DLG2: variants seen among roughly 807,000 people sequenced by gnomAD.
The protein encoded by DLG2 is discs large MAGUK scaffold protein 2.
In DLG2, 45 loss-of-function variants were observed where a neutral mutation model predicts 132.5. The ratio of observed to expected loss-of-function variants is 0.34; its 90% confidence interval spans 0.27 to 0.44. DLG2 has a LOEUF of 0.44. Ranked by LOEUF, DLG2 falls within the 20% of genes least tolerant of loss-of-function variation. The pLI, the probability that DLG2 is intolerant of heterozygous loss-of-function variation, is 1.00. For missense variants in DLG2, 1,045 were observed against 1,196.9 expected (o/e 0.87, Z 1.87); for synonymous variants, 424 against 419.6 (o/e 1.01, Z -0.13).
chr11:84,083,454 A>C (rs2154158310), intron 10 of DLG2, among the ~76,000 whole-genome samples: 1 of 152,324 alleles, frequency 6.6e-6, no homozygotes, highest in African/African-American at 2.4e-5. Context: ...TATTGTTTGA[A>C]TGTGTCCCCC....
At chr11:83,953,039 A>G (rs2085870762) in intron 14 of DLG2, among the ~76,000 whole-genome samples, 1 of 152,226 alleles carries the variant, frequency 6.6e-6, no homozygotes, top group African/African-American at 2.4e-5. Context: ...GTGTTTTTAC[A>G]CAGTTATAGT....
At chr11:83,892,003 G>C (rs376623237) in intron 15 of DLG2, among the ~76,000 whole-genome samples, 4 of 152,072 alleles carry the variant, frequency 2.6e-5, no homozygotes, top group East Asian at 3.9e-4. Context: ...GGTCACTGTA[G>C]AGTTATCACC....
At chr11:85,257,562 C>T (rs1275380626) in intron 4 of DLG2, among the ~76,000 whole-genome samples, 1 of 151,930 alleles carries the variant, frequency 6.6e-6, no homozygotes, top group Non-Finnish European at 1.5e-5. Flanking sequence ...TTTTTAATAA[C>T]AATGCAGTAA....
At chr11:84,197,805 C>G (rs1207914758) in intron 8 of DLG2, among the ~76,000 whole-genome samples, 3 of 152,096 alleles carry the variant, frequency 2.0e-5, no homozygotes. Flanking sequence ...TACTGTGAGC[C>G]AAATAATTCT....
Position 84,928,958 on chromosome 11 carries a change from A to ATGTGTGTG in DLG2, c.357+182695_357+182702dup, listed in dbSNP as rs1186822886. Among the ~76,000 whole-genome samples, 264 of 52,808 alleles carry ATGTGTGTG rather than the reference A, an allele frequency of 5.0e-3. 6 individuals are homozygous for ATGTGTGTG. Among genetic ancestry groups the ATGTGTGTG allele is most frequent in the African/African-American group, 9.0e-3 (106 of 11,752 alleles). 34.6% of individuals were successfully genotyped at this position (52,808 alleles called of 152,430 possible). A position where few individuals can be genotyped will look rare whatever the true frequency, so the allele number is the denominator to read the frequency against. Reference sequence around the variant, plus strand: ...TGCAATACTTATAATACTCTCTGATATGTGTGTGTGTGTGTGTGTGTGTGT... The same window carrying ATGTGTGTG: ...TGCAATACTTATAATACTCTCTGATATGTGTGTGTGTGTGTGTGTGTGTGTGTGTGTGT... On this transcript the variant is annotated intron_variant, in intron 6 of 27. Coordinates refer to ENST00000376104, the MANE Select transcript of DLG2 (RefSeq NM_001142699.3).
intron 10 of DLG2, among the ~76,000 whole-genome samples, chr11:84,079,242 T>A (rs950524057): frequency 2.6e-5 from 4 of 151,994 alleles, no homozygotes; most frequent in African/African-American, 9.7e-5. Flanking sequence ...AATCTTTCAT[T>A]AGCTGAATTA....
intron 5 of DLG2, among the ~76,000 whole-genome samples, chr11:85,126,830 T>A (rs1431600599): frequency 6.6e-6 from 1 of 152,238 alleles, no homozygotes; most frequent in Non-Finnish European, 1.5e-5. Context: ...TTATAGTTCT[T>A]ATCTCACCGA....
intron 22 of DLG2, chr11:83,483,216 A>AAAAG (rs1266276314): frequency 1.3e-6 from 2 of 1,587,852 alleles, no homozygotes; most frequent in Admixed American, 3.3e-5. Context: ...AAAGGAAAAG[A>AAAAG]AAAGAAAAGT....
intron 7 of DLG2, among the ~76,000 whole-genome samples, chr11:84,501,854 C>T (rs2099206783): frequency 6.6e-6 from 1 of 151,820 alleles, no homozygotes; most frequent in Non-Finnish European, 1.5e-5. Context: ...AGTAGAAAAA[C>T]CATGTGAATA....
At chr11:85,554,264 G>A in intron 3 of DLG2, among the ~76,000 whole-genome samples, 1 of 151,634 alleles carries the variant, frequency 6.6e-6, no homozygotes, top group East Asian at 1.9e-4. Context: ...ACTTCTGATA[G>A]TATTGAACAT....
chr11:83,479,143 T>G (rs759477555), intron 22 of DLG2, among the ~76,000 whole-genome samples: 6 of 151,540 alleles, frequency 4.0e-5, no homozygotes, highest in Non-Finnish European at 8.9e-5. Flanking sequence ...CAATCTAACG[T>G]TTGATTGACC....
At chr11:84,610,104 A>G (rs1037595362) in intron 6 of DLG2, among the ~76,000 whole-genome samples, 1 of 152,124 alleles carries the variant, frequency 6.6e-6, no homozygotes, top group African/African-American at 2.4e-5. Flanking sequence ...GTAATCCAAT[A>G]TTTATCAGTG....
At chr11:85,399,191 G>T (rs1295054295) in intron 3 of DLG2, among the ~76,000 whole-genome samples, 1 of 152,118 alleles carries the variant, frequency 6.6e-6, no homozygotes, top group East Asian at 1.9e-4. Context: ...TTGCTTCAAA[G>T]AGAATAAAAT....
intron 3 of DLG2, among the ~76,000 whole-genome samples, chr11:85,462,538 A>C (rs995281689): frequency 6.6e-6 from 1 of 152,164 alleles, no homozygotes; most frequent in Admixed American, 6.5e-5. Context: ...ACTCTCAGCA[A>C]ACTATCACAA....
upstream of DLG2, chr11:85,627,878 A>T (rs2082106198): frequency 6.6e-6 from 1 of 152,322 alleles, no homozygotes; most frequent in African/African-American, 2.4e-5. Flanking sequence ...AGACATGGAG[A>T]CTGGAGGGTC....
intron 7 of DLG2, among the ~76,000 whole-genome samples, chr11:84,379,354 C>T (rs764813083): frequency 3.3e-5 from 5 of 151,800 alleles, no homozygotes; most frequent in African/African-American, 4.8e-5. Flanking sequence ...GAACAAAGAA[C>T]CAAATAAAAT....
At chr11:84,193,394 T>C (rs2096453572) in intron 8 of DLG2, among the ~76,000 whole-genome samples, 1 of 152,102 alleles carries the variant, frequency 6.6e-6, no homozygotes, top group Non-Finnish European at 1.5e-5. Flanking sequence ...GGGAAGTGTA[T>C]GGTGATAATT....
chr11:85,033,780 A>G (rs1187687480), intron 6 of DLG2, among the ~76,000 whole-genome samples: 1 of 152,272 alleles, frequency 6.6e-6, no homozygotes, highest in Admixed American at 6.5e-5. Flanking sequence ...ATGGCAAATA[A>G]GAATGTAAGT....
At chr11:84,934,316 T>C (rs554239213) in intron 6 of DLG2, among the ~76,000 whole-genome samples, 24 of 151,924 alleles carry the variant, frequency 1.6e-4, no homozygotes, top group Non-Finnish European at 2.9e-4. Context: ...TCATCAAGAA[T>C]ATTGGCCTGA....
Sources: gnomAD v4.1 joint callset for allele counts (sites outside exome capture counted in the v4.1 genomes callset) on GRCh38, gnomAD v4.1.1 for gene constraint, MANE v1.5 for transcripts, NCBI Gene and HGNC (gene_info 2026-07-23, HGNC 2026-07-21) for gene names.